Variants in SLC26A8 observed in about 807,000 individuals in gnomAD.
The protein encoded by SLC26A8 is testis anion transporter 1.
A neutral mutation model predicts 105.0 loss-of-function variants in SLC26A8; 70 were observed. The observed-to-expected ratio is 0.67, with a 90% CI of 0.55 to 0.81. SLC26A8 has a LOEUF of 0.81. Ranked by LOEUF, SLC26A8 falls within the 40% of genes least tolerant of loss-of-function variation. The pLI, the probability that SLC26A8 is intolerant of heterozygous loss-of-function variation, is 0.00. For missense variants in SLC26A8, 998 were observed against 1,181.8 expected (o/e 0.84, Z 2.28); for synonymous variants, 415 against 438.3 (o/e 0.95, Z 0.66).
At chr6:36,019,822 T>C (rs1762084061) in intron 1 of SLC26A8, 113 bp from the exon 2 acceptor site, 2 of 969,486 alleles carry the variant, frequency 2.1e-6, no homozygotes, top group Admixed American at 3.4e-5. Context: ...TTGCATAGCA[T>C]CTTTCAGTTG....
chr6:35,975,473 C>T lies in SLC26A8; in HGVS notation c.1189G>A (p.Gly397Ser), dbSNP rs779007673. 9.3e-6 allele frequency: 15 copies of T among 1,611,180 alleles called. No individual in the cohort carries two copies. Among genetic ancestry groups the T allele is most frequent in the Admixed American group, 1.7e-5 (1 of 59,814 alleles). The part of the protein sequence containing the change: ...VNSNQDLIAI[G>S]LCNVVSSFFR... ...AATGAACTGACGACATTGCAAAGGC[C>T]GATGGCTATTAAATCCTGTAAAGAA... is the stretch of plus-strand genomic sequence containing the variant. The change falls in exon 10 of 20, where the codon GGC (glycine) becomes AGC (serine). Residue 397 changes from glycine (G) to serine (S), a missense_variant. Physicochemically the swap from Gly to Ser is moderately conservative, Grantham distance 56. Transcript: ENST00000490799.
intron 10 of SLC26A8, among the ~76,000 whole-genome samples, chr6:35,972,213 C>T (rs1379509923): frequency 2.6e-5 from 4 of 152,202 alleles, no homozygotes; most frequent in Non-Finnish European, 4.4e-5. Flanking sequence ...CCATATTTCT[C>T]TTTTCTGCAG....
At chr6:36,004,815 G>A (rs1761637915) in intron 3 of SLC26A8, among the ~76,000 whole-genome samples, 1 of 142,652 alleles carries the variant, frequency 7.0e-6, no homozygotes, top group African/African-American at 2.6e-5. Context: ...ACCACACCTA[G>A]TTAAATTTTT....
At chr6:35,971,154 T>G (rs1219948449) in intron 10 of SLC26A8, among the ~76,000 whole-genome samples, 3 of 152,204 alleles carry the variant, frequency 2.0e-5, no homozygotes, top group Non-Finnish European at 4.4e-5. Flanking sequence ...GTGTTCCCCT[T>G]GGCTGCACAT....
chr6:35,991,403 A>C (rs1761149682), intron 7 of SLC26A8, among the ~76,000 whole-genome samples: 1 of 33,820 alleles, frequency 3.0e-5, no homozygotes, highest in Non-Finnish European at 8.6e-5. Context: ...GACTCTGTCA[A>C]AAAAAAAAAA....
At chr6:35,994,854 G>A (rs112907319) in intron 5 of SLC26A8, among the ~76,000 whole-genome samples, 6 of 152,210 alleles carry the variant, frequency 3.9e-5, no homozygotes, top group African/African-American at 1.2e-4. Context: ...CGGAATTACA[G>A]GCGTGAGCCA....
intron 16 of SLC26A8, among the ~76,000 whole-genome samples, chr6:35,955,936 C>T (rs1003910000): frequency 8.6e-5 from 13 of 152,040 alleles, no homozygotes; most frequent in Non-Finnish European, 1.9e-4. Context: ...TTTCAGACTT[C>T]CTTAAGACAA....
chr6:35,975,586 G>C lies in SLC26A8; in HGVS notation c.1174-98C>G, dbSNP rs922141019. The C allele has an allele frequency of 4.7e-6, 3 of 643,716 alleles. No individual in the cohort carries two copies. The African/African-American group carries it at 5.6e-5, about 12-fold the overall frequency. The allele number at this position is 643,716 out of a possible 1,614,324, so 39.9% of individuals were successfully genotyped here. On this transcript the variant is annotated intron_variant, in intron 9 of 19. Transcript: ENST00000490799. Reference sequence around the variant, plus strand: ...GGTTTTTTTTTTTTATATGAAGATAGGGTTGTTTGCATCACTTGAAATAAC... The same window carrying C: ...GGTTTTTTTTTTTTATATGAAGATACGGTTGTTTGCATCACTTGAAATAAC...
chr6:35,963,222 C>G (rs1562026270), intron 11 of SLC26A8, among the ~76,000 whole-genome samples: 1 of 152,206 alleles, frequency 6.6e-6, no homozygotes, highest in Non-Finnish European at 1.5e-5. Context: ...CAAAGACCAC[C>G]TGATGACCAT....
chr6:35,979,754 G>A (rs184982972), intron 8 of SLC26A8, among the ~76,000 whole-genome samples: 7 of 152,134 alleles, frequency 4.6e-5, no homozygotes, highest in Admixed American at 1.3e-4. Context: ...TGTAACAGCC[G>A]ATTCTTGTTA....
Position 35,965,696 on chromosome 6 carries a change from A to G in SLC26A8, c.1366-3075T>C, listed in dbSNP as rs528129103. ...AAACTCCATCTCAAAAAAAAAAAAA[A>G]AAAGAAAGAAAGAAAGAAACATTTT... On this transcript the variant is annotated intron_variant, in intron 11 of 19. Coordinates refer to ENST00000490799, the MANE Select transcript of SLC26A8 (RefSeq NM_052961.4). 4.0e-3 allele frequency among the ~76,000 whole-genome samples: 598 copies of G among 149,676 alleles called. 3 individuals carry two copies. The highest frequency in any genetic ancestry group is 0.011 in the Middle Eastern group (3 of 274).
At chr6:36,013,037 TGTAGAAATTA>T (rs954066717) in intron 2 of SLC26A8, among the ~76,000 whole-genome samples, 2 of 152,132 alleles carry the variant, frequency 1.3e-5, no homozygotes, top group Non-Finnish European at 2.9e-5. Context: ...ACCTGTGACA[TGTAGAAATTA>T]GTAGAAAATA....
chr6:35,955,258 A>T lies in SLC26A8; in HGVS notation c.2126T>A (p.Leu709His). 1 of 1,614,158 alleles carries T rather than the reference A, an allele frequency of 6.2e-7. No homozygotes were observed. Among genetic ancestry groups the T allele is most frequent in the Non-Finnish European group, 8.5e-7 (1 of 1,180,030 alleles). Residue 709 changes from leucine to histidine, a missense_variant, in exon 17 of 20, where the codon CTC becomes CAC. Physicochemically the swap from Leu to His is moderately conservative, Grantham distance 99 (BLOSUM62 -3). Coordinates refer to ENST00000490799, the MANE Select transcript of SLC26A8 (RefSeq NM_052961.4). ...DVAESQGRRSLIPYSDASLLP... is the reference protein window; with the variant it reads ...DVAESQGRRSHIPYSDASLLP... ...TAGAGACGCATCTGAGTAAGGGATG[A>T]GTGATCTCCTCCCCTGGCTTTCCGC...
chr6:36,000,554 C>T (rs1340647668), intron 3 of SLC26A8, among the ~76,000 whole-genome samples: 1 of 152,192 alleles, frequency 6.6e-6, no homozygotes, highest in Admixed American at 6.5e-5. Flanking sequence ...TGTTGGTTCT[C>T]TTCCATAGGC....
At chr6:35,988,359 T>A (rs1045662036) in intron 7 of SLC26A8, among the ~76,000 whole-genome samples, 2 of 152,168 alleles carry the variant, frequency 1.3e-5, no homozygotes, top group African/African-American at 4.8e-5. Flanking sequence ...AGAGGCCAGA[T>A]GCATTGGCTC....
At chr6:35,961,350 C>T (rs141274852) in intron 12 of SLC26A8, among the ~76,000 whole-genome samples, 318 of 152,224 alleles carry the variant, frequency 2.1e-3, no homozygotes, top group African/African-American at 6.9e-3. Context: ...TCCTCATGTG[C>T]AAAATAGTAA....
chr6:35,997,961 C>T, intron 4 of SLC26A8, 42 bp from the exon 5 acceptor site: 1 of 1,576,792 alleles, frequency 6.3e-7, no homozygotes, highest in Non-Finnish European at 8.7e-7. Context: ...GTTTCAAGTC[C>T]AGGTAAACTG....
intron 19 of SLC26A8, 72 bp downstream of exon 19, chr6:35,951,091 A>ACACCCCCCCCCCCCC: frequency 8.0e-7 from 1 of 1,256,380 alleles, no homozygotes. Flanking sequence ...CCAGCCCCCA[A>ACACCCCCCCCCCCCC]CCACCCCTCA....
chr6:35,979,250 G>T (rs1190088519), intron 8 of SLC26A8, among the ~76,000 whole-genome samples: 3 of 151,942 alleles, frequency 2.0e-5, no homozygotes, highest in Non-Finnish European at 4.4e-5. Context: ...GGCCGAGGTG[G>T]GCAGATCACA....
Sources: gnomAD v4.1 joint callset for allele counts (sites outside exome capture counted in the v4.1 genomes callset) on GRCh38, gnomAD v4.1.1 for gene constraint, MANE v1.5 for transcripts, NCBI Gene and HGNC (gene_info 2026-07-23, HGNC 2026-07-21) for gene names.